Variants in NRXN3 observed in about 807,000 individuals in gnomAD.
The protein encoded by NRXN3 is neurexin III.
A neutral mutation model predicts 137.6 loss-of-function variants in NRXN3; 32 were observed. That is an observed-to-expected ratio of 0.23 (90% CI 0.18 to 0.31). The LOEUF (loss-of-function observed/expected upper bound fraction) is 0.31. NRXN3 is among the 10% of genes least tolerant of loss of function. The pLI, the probability that NRXN3 is intolerant of heterozygous loss-of-function variation, is 1.00. For synonymous variants in NRXN3, 798 were observed against 784.5 expected (o/e 1.02, Z -0.29); for missense variants, 1,574 against 2,062.5 (o/e 0.76, Z 4.59).
At chr14:79,752,972 C>G (rs532722488) in intron 19 of NRXN3, among the ~76,000 whole-genome samples, 2 of 152,152 alleles carry the variant, frequency 1.3e-5, no homozygotes, top group East Asian at 3.9e-4. Flanking sequence ...TGAAAAAATG[C>G]TCATCATCAC....
intron 10 of NRXN3, among the ~76,000 whole-genome samples, chr14:78,949,477 A>G (rs1045237127): frequency 2.6e-5 from 4 of 151,328 alleles, no homozygotes; most frequent in African/African-American, 9.7e-5. Context: ...AGTTTTATTT[A>G]TTTGCTCACT....
chr14:78,651,689 G>A (rs1282282463), intron 6 of NRXN3, among the ~76,000 whole-genome samples: 1 of 152,206 alleles, frequency 6.6e-6, no homozygotes, highest in Non-Finnish European at 1.5e-5. Flanking sequence ...TTACATGGTG[G>A]CAGGGAAGAA....
At chr14:79,045,755 AT>A (rs2099632158) in intron 15 of NRXN3, among the ~76,000 whole-genome samples, 1 of 152,114 alleles carries the variant, frequency 6.6e-6, no homozygotes, top group Non-Finnish European at 1.5e-5. Context: ...CATGGATACT[AT>A]TTGCCTCCTC....
At chr14:78,411,750 C>A (rs747516102) in intron 4 of NRXN3, among the ~76,000 whole-genome samples, 1 of 152,150 alleles carries the variant, frequency 6.6e-6, no homozygotes, top group Non-Finnish European at 1.5e-5. Flanking sequence ...CCTGCACCTC[C>A]CCCTATCCAA....
intron 20 of NRXN3, among the ~76,000 whole-genome samples, chr14:79,846,020 G>A (rs1297220899): frequency 6.6e-6 from 1 of 152,142 alleles, no homozygotes; most frequent in South Asian, 2.1e-4. Flanking sequence ...TATCTTATGA[G>A]TGTGGTTCAT....
chr14:79,204,779 CAGGGA>C (rs1203999007), intron 15 of NRXN3, among the ~76,000 whole-genome samples: 1 of 152,154 alleles, frequency 6.6e-6, no homozygotes, highest in African/African-American at 2.4e-5. Flanking sequence ...TACTTATGCA[CAGGGA>C]AGGAAATGAA....
chr14:79,167,143 C>T (rs896631336), intron 15 of NRXN3, among the ~76,000 whole-genome samples: 1 of 151,942 alleles, frequency 6.6e-6, no homozygotes, highest in African/African-American at 2.4e-5. Flanking sequence ...GTGCTATTTT[C>T]AAGTAATATG....
intron 19 of NRXN3, among the ~76,000 whole-genome samples, chr14:79,742,946 A>G (rs2098967660): frequency 6.6e-6 from 1 of 152,172 alleles, no homozygotes; most frequent in African/African-American, 2.4e-5. Context: ...GAAGATAAAC[A>G]ATATTTTGTT....
rs1288948500 is a variant in NRXN3, at chr14:79,863,167, T to TC, written c.*1204dup. 1 of 152,602 alleles carries TC rather than the reference T, an allele frequency of 6.6e-6. No homozygotes were observed. 9.5% of individuals were successfully genotyped at this position (152,602 alleles called of 1,614,324 possible). Reference sequence around the variant, plus strand: ...CCCGCCCCGAATGTGACAATGGTTTTCATAGTGGTTTAATTTTGTAGCCTG... The same window carrying TC: ...CCCGCCCCGAATGTGACAATGGTTTTCCATAGTGGTTTAATTTTGTAGCCTG... On this transcript the variant is annotated 3_prime_UTR_variant, in exon 21 of 21. Coordinates refer to ENST00000335750, the MANE Select transcript of NRXN3 (RefSeq NM_001330195.2).
intron 4 of NRXN3, among the ~76,000 whole-genome samples, chr14:78,631,975 G>A (rs2097526642): frequency 6.6e-6 from 1 of 151,954 alleles, no homozygotes; most frequent in Non-Finnish European, 1.5e-5. Flanking sequence ...TTAGCCGGGC[G>A]TGGTGGCGGC....
At chr14:78,723,481 G>T (rs557599379) in intron 8 of NRXN3, among the ~76,000 whole-genome samples, 38 of 152,308 alleles carry the variant, frequency 2.5e-4, no homozygotes, top group African/African-American at 8.7e-4. Context: ...TGAATCAGTG[G>T]GAGATTCTTA....
In NRXN3 at chr14:79,254,054, C is replaced by T. The variant is rs146135337; in HGVS notation, c.3263-213167C>T. ...GGATCCATCTCTCATTATTTCCATT[C>T]CATGGTCTAACTTATTTTTTTCTTG... On this transcript the variant is annotated intron_variant, in intron 15 of 20. Transcript: ENST00000335750. Among the ~76,000 whole-genome samples, 333 of 152,280 alleles carry T rather than the reference C, an allele frequency of 2.2e-3. 2 individuals carry two copies. Among genetic ancestry groups the T allele is most frequent in the African/African-American group, 7.7e-3 (320 of 41,568 alleles).
intron 15 of NRXN3, among the ~76,000 whole-genome samples, chr14:79,385,483 A>G (rs2094587653): frequency 1.3e-5 from 2 of 152,068 alleles, no homozygotes; most frequent in East Asian, 1.9e-4. Flanking sequence ...TTGATCAGCA[A>G]TCTATGCTTT....
chr14:78,596,734 A>G (rs1184276908), intron 4 of NRXN3, among the ~76,000 whole-genome samples: 12 of 152,174 alleles, frequency 7.9e-5, no homozygotes, highest in Admixed American at 6.5e-4. Context: ...GGGAAGACAC[A>G]TGGCATCTTA....
intron 16 of NRXN3, among the ~76,000 whole-genome samples, chr14:79,492,320 C>T (rs1455922786): frequency 6.6e-6 from 1 of 152,104 alleles, no homozygotes; most frequent in East Asian, 1.9e-4. Flanking sequence ...TTCTCCAGTG[C>T]TGTCTTTTCA....
rs541950337 is a variant in NRXN3 at position 79,503,450 on chromosome 14, A to G, written c.3444+36048A>G. Reference sequence around the variant, plus strand: ...AGGGACCGCGTTACCAAGTGAGCCAACTAGACTCTTTCACACCTCTCTGCC... The same window carrying G: ...AGGGACCGCGTTACCAAGTGAGCCAGCTAGACTCTTTCACACCTCTCTGCC... On this transcript the variant is annotated intron_variant, in intron 16 of 20. Transcript: ENST00000335750. 9.9e-5 allele frequency among the ~76,000 whole-genome samples: 15 copies of G among 152,268 alleles called. No individual in the cohort carries two copies. The South Asian group carries it at 1.5e-3, about 15-fold the overall frequency.
intron 15 of NRXN3, among the ~76,000 whole-genome samples, chr14:79,132,614 G>A (rs529560825): frequency 3.2e-4 from 48 of 152,202 alleles, no homozygotes; most frequent in African/African-American, 6.3e-4. Context: ...GGCCTAGATC[G>A]TTTATTAGCT....
chr14:79,228,547 G>T (rs746770830), intron 15 of NRXN3, among the ~76,000 whole-genome samples: 4 of 152,148 alleles, frequency 2.6e-5, no homozygotes, highest in Non-Finnish European at 4.4e-5. Flanking sequence ...ACACTGAATT[G>T]TGTCAAAGTA....
chr14:78,421,584 T>C (rs2093447598), intron 4 of NRXN3, among the ~76,000 whole-genome samples: 2 of 152,172 alleles, frequency 1.3e-5, no homozygotes, highest in South Asian at 4.1e-4. Context: ...TTTAAGTCAG[T>C]ATATCCATCT....
Sources: allele counts gnomAD v4.1 joint callset (sites outside exome capture counted in the v4.1 genomes callset), GRCh38; gene constraint gnomAD v4.1.1; transcripts MANE v1.5; gene names NCBI Gene and HGNC (gene_info 2026-07-23, HGNC 2026-07-21).